Variants in CACNA1E observed in about 807,000 individuals in gnomAD.
CACNA1E encodes calcium voltage-gated channel subunit alpha1 E.
CACNA1E carries 40 observed loss-of-function variants against 259.2 expected under a neutral mutation model. That is an observed-to-expected ratio of 0.15 (90% confidence interval 0.12 to 0.20). The LOEUF is 0.20. Ranked by LOEUF, CACNA1E falls within the 10% of genes least tolerant of loss-of-function variation. The probability of loss-of-function intolerance (pLI) is 1.00; values close to 1 mark genes in which losing one functional copy is unlikely to be tolerated. For missense variants in CACNA1E, 1,874 were observed against 3,040.1 expected (o/e 0.62, Z 9.02); for synonymous variants, 1,104 against 1,138.5 (o/e 0.97, Z 0.61).
rs1191659405 is a variant in CACNA1E, at chr1:181,800,089, G to A, written c.*1255G>A. ...TAGATTGAAATAAGCTTCTGTGAAAGTCTGGATTTACTGAGGACCTCCCCT... is the reference window on the plus strand; with the variant it reads ...TAGATTGAAATAAGCTTCTGTGAAAATCTGGATTTACTGAGGACCTCCCCT... On this transcript the variant is annotated 3_prime_UTR_variant, in exon 48 of 48. Coordinates refer to ENST00000367573, the MANE Select transcript of CACNA1E (RefSeq NM_001205293.3). 1 of 152,792 alleles carries A rather than the reference G, an allele frequency of 6.5e-6. No homozygotes were observed. The highest frequency in any genetic ancestry group is 2.4e-5 in the African/African-American group (1 of 41,474). The allele number at this position is 152,792 out of a possible 1,614,324, so 9.5% of individuals were successfully genotyped here.
chr1:181,661,264 G>A (rs1417578799), intron 7 of CACNA1E, among the ~76,000 whole-genome samples: 1 of 152,188 alleles, frequency 6.6e-6, no homozygotes, highest in Non-Finnish European at 1.5e-5. Context: ...TGATCACCCT[G>A]GAGAAGGTAC....
chr1:181,384,696 T>G (rs1330177286), intron 1 of CACNA1E, among the ~76,000 whole-genome samples: 2 of 152,178 alleles, frequency 1.3e-5, no homozygotes, highest in Non-Finnish European at 2.9e-5. Flanking sequence ...GAAGGGACGA[T>G]CCTCACTCCT....
At chr1:181,588,477 A>G (rs1652312400) in intron 6 of CACNA1E, among the ~76,000 whole-genome samples, 1 of 151,952 alleles carries the variant, frequency 6.6e-6, no homozygotes, top group South Asian at 2.1e-4. Context: ...TCTTTCTCAC[A>G]CTTAACTATT....
At chr1:181,436,768 G>A (rs1558003956) in intron 2 of CACNA1E, among the ~76,000 whole-genome samples, 1 of 151,466 alleles carries the variant, frequency 6.6e-6, no homozygotes. Context: ...TTAGACAGGA[G>A]GAATGTGTTT....
At chr1:181,361,856 A>T (rs1400924214) in intron 1 of CACNA1E, among the ~76,000 whole-genome samples, 1 of 152,224 alleles carries the variant, frequency 6.6e-6, no homozygotes, top group Non-Finnish European at 1.5e-5. Flanking sequence ...TGGTGGTATG[A>T]TTCCTTAGCT....
chr1:181,783,069 A>C (rs1246849479), intron 39 of CACNA1E, among the ~76,000 whole-genome samples: 2 of 150,706 alleles, frequency 1.3e-5, no homozygotes. Context: ...GCCTGTTTGC[A>C]CTCTCCCCCT....
chr1:181,737,533 G>A lies in CACNA1E; in HGVS notation c.3431G>A (p.Arg1144Lys), dbSNP rs1656159525. 1 of 1,613,862 alleles carries A rather than the reference G, an allele frequency of 6.2e-7. No homozygotes were observed. Among genetic ancestry groups the A allele is most frequent in the Non-Finnish European group, 8.5e-7 (1 of 1,179,786 alleles). ...FIFSTTNPIR[R>K]ACHYIVNLRY... The stretch of plus-strand genomic sequence containing the variant: ...ATGCCCACTGCCCGCAGGATCCGGA[G>A]GGCCTGCCACTACATCGTGAACCTG... The change falls in exon 23 of 48, where the codon AGG (arginine) becomes AAG (lysine). Residue 1144 changes from arginine to lysine, a missense_variant. Transcript: ENST00000367573.
At chr1:181,653,913 G>C (rs562952588) in intron 7 of CACNA1E, among the ~76,000 whole-genome samples, 2 of 152,302 alleles carry the variant, frequency 1.3e-5, no homozygotes, top group South Asian at 4.1e-4. Context: ...CTCCAAGCTT[G>C]CATACAGAGT....
chr1:181,497,958 C>T (rs1187315996), intron 1 of CACNA1E, among the ~76,000 whole-genome samples: 2 of 152,038 alleles, frequency 1.3e-5, no homozygotes, highest in Non-Finnish European at 2.9e-5. Context: ...GAGATCTTTG[C>T]TATTTTGTCT....
At chr1:181,487,371 G>C (rs898868211) in intron 1 of CACNA1E, among the ~76,000 whole-genome samples, 4 of 152,176 alleles carry the variant, frequency 2.6e-5, no homozygotes, top group African/African-American at 9.7e-5. Flanking sequence ...TATTAATAGG[G>C]GAGGTCTAGT....
At chr1:181,361,329 TA>T (rs575666988) in intron 1 of CACNA1E, among the ~76,000 whole-genome samples, 184 of 152,242 alleles carry the variant, frequency 1.2e-3, no homozygotes, top group African/African-American at 4.1e-3. Flanking sequence ...TGGAAGTATT[TA>T]AAATGGTTAA....
intron 6 of CACNA1E, among the ~76,000 whole-genome samples, chr1:181,597,192 C>A (rs542939110): frequency 6.6e-6 from 1 of 152,224 alleles, no homozygotes; most frequent in African/African-American, 2.4e-5. Flanking sequence ...TGAGACCCAC[C>A]CTGGCACTCA....
intron 3 of CACNA1E, among the ~76,000 whole-genome samples, chr1:181,571,074 A>T (rs886555562): frequency 6.6e-6 from 1 of 151,992 alleles, no homozygotes; most frequent in South Asian, 2.1e-4. Flanking sequence ...ATGACCAGGA[A>T]CCTCCATGGT....
chr1:181,659,044 G>A (rs1012722022), intron 7 of CACNA1E, among the ~76,000 whole-genome samples: 2 of 152,040 alleles, frequency 1.3e-5, no homozygotes, highest in Non-Finnish European at 2.9e-5. Context: ...AAGCAGCCTG[G>A]GAAATAGCTT....
intron 1 of CACNA1E, among the ~76,000 whole-genome samples, chr1:181,372,170 T>C (rs58977438): frequency 1.3e-5 from 2 of 152,228 alleles, no homozygotes; most frequent in Non-Finnish European, 2.9e-5. Flanking sequence ...GCACTGAATA[T>C]GTAAATTGCT....
chr1:181,793,926 T>C, intron 45 of CACNA1E, 133 bp downstream of exon 45: 1 of 977,150 alleles, frequency 1.0e-6, no homozygotes, highest in Non-Finnish European at 1.5e-6. Flanking sequence ...ACCTGGCTCA[T>C]GGGTCGTCTC....
intron 1 of CACNA1E, among the ~76,000 whole-genome samples, chr1:181,366,632 C>T (rs770722217): frequency 3.9e-5 from 6 of 152,142 alleles, no homozygotes; most frequent in Admixed American, 1.3e-4. Flanking sequence ...TAGTGGGCTA[C>T]GTGGCCGACT....
chr1:181,468,330 A>G (rs58308256), intron 2 of CACNA1E, among the ~76,000 whole-genome samples: 60,320 of 152,004 alleles, frequency 0.4, 13,196 homozygotes, highest in African/African-American at 0.6. Context: ...TGTGAAGGGA[A>G]GGTTGAGGAC....
chr1:181,781,118 A>G (rs1191248929), intron 38 of CACNA1E, among the ~76,000 whole-genome samples: 2 of 152,118 alleles, frequency 1.3e-5, no homozygotes, highest in Non-Finnish European at 2.9e-5. Context: ...GTTCCCATGG[A>G]GAGTCATAGG....
Sources: gnomAD v4.1 joint callset for allele counts (sites outside exome capture counted in the v4.1 genomes callset) on GRCh38, gnomAD v4.1.1 for gene constraint, MANE v1.5 for transcripts, NCBI Gene and HGNC (gene_info 2026-07-23, HGNC 2026-07-21) for gene names.